The following CLIP4 variants were observed in gnomAD, a reference collection of about 807,000 sequenced individuals.
CLIP4 encodes the protein CAP-Gly domain-containing linker protein 4.
CLIP4 carries 47 observed loss-of-function variants against 73.1 expected under a neutral mutation model. That is an observed-to-expected ratio of 0.64 (90% CI 0.51 to 0.82). CLIP4 has a LOEUF of 0.82. Among genes scored for constraint, CLIP4 ranks in the 40% least tolerant of loss-of-function variants. The pLI is 0.00. For synonymous variants in CLIP4, 306 were observed against 295.4 expected (o/e 1.04, Z -0.37); for missense variants, 874 against 852.9 (o/e 1.02, Z -0.31).
At position 29,126,740 on chromosome 2, in the gene CLIP4, C is replaced by T. The variant is rs918331304; in HGVS notation, c.134-4518C>T. The stretch of plus-strand genomic sequence containing the variant: ...ATGTTTTGGTGAATTCTCTAAGTGG[C>T]CCCCACAGAAACAGGCACAAAGGTT... On this transcript the variant is annotated intron_variant, in intron 2 of 15. Coordinates refer to ENST00000320081, the MANE Select transcript of CLIP4 (RefSeq NM_024692.6). 1.4e-4 allele frequency among the ~76,000 whole-genome samples: 21 copies of T among 152,270 alleles called. 1 individual carries two copies. Among genetic ancestry groups the T allele is most frequent in the African/African-American group, 4.1e-4 (17 of 41,544 alleles).
intron 2 of CLIP4, among the ~76,000 whole-genome samples, chr2:29,121,906 T>G (rs1664274741): frequency 6.6e-6 from 1 of 152,204 alleles, no homozygotes; most frequent in Non-Finnish European, 1.5e-5. Flanking sequence ...TTCCCTGGAA[T>G]GTGAAATGAG....
At chr2:29,142,413 A>G (rs1462700713) in intron 6 of CLIP4, among the ~76,000 whole-genome samples, 1 of 152,126 alleles carries the variant, frequency 6.6e-6, no homozygotes, top group Non-Finnish European at 1.5e-5. Flanking sequence ...CCAAAGTAAA[A>G]TATTCACTGT....
Position 29,163,972 on chromosome 2 carries a change from A to G in CLIP4, c.1658+18A>G. 1 of 1,605,448 alleles carries G rather than the reference A, an allele frequency of 6.2e-7. No homozygotes were observed. The highest frequency in any genetic ancestry group is 1.1e-5 in the South Asian group (1 of 89,818). On this transcript the variant is annotated intron_variant, in intron 13 of 15. Transcript: ENST00000320081. Reference sequence around the variant, plus strand: ...GTGCAAAGGTGAGAGAATGAAATTTATGTTTATTTACAGAAACTTTTTGTA... The same window carrying G: ...GTGCAAAGGTGAGAGAATGAAATTTGTGTTTATTTACAGAAACTTTTTGTA...
rs1558504865 is a variant in CLIP4 at position 29,107,358 on chromosome 2, G to GTTTTTTTTTGTTTTT, written c.-16+9420_-16+9421insGTTTTTTTTTTTTTT. Among the ~76,000 whole-genome samples the GTTTTTTTTTGTTTTT allele has an allele frequency of 2.6e-4, 17 of 65,360 alleles. 1 individual carries two copies. The highest frequency in any genetic ancestry group is 1.2e-3 in the East Asian group (2 of 1,658). 42.9% of individuals were successfully genotyped at this position (65,360 alleles called of 152,430 possible). On this transcript the variant is annotated intron_variant, in intron 1 of 14. Transcript: ENST00000401605. The stretch of plus-strand genomic sequence containing the variant: ...ATTTCTAAATTCCTGGAACATGATA[G>GTTTTTTTTTGTTTTT]TTTTTTTTTTTTTTTTTTTTTTTTT...
chr2:29,103,883 T>A (rs1051009436), intron 1 of CLIP4, among the ~76,000 whole-genome samples: 1 of 151,956 alleles, frequency 6.6e-6, no homozygotes, highest in Non-Finnish European at 1.5e-5. Flanking sequence ...CCAGTTAATT[T>A]TTTTTTTATT....
At chr2:29,103,502 T>C (rs1207639603) in intron 1 of CLIP4, among the ~76,000 whole-genome samples, 1 of 152,170 alleles carries the variant, frequency 6.6e-6, no homozygotes, top group East Asian at 1.9e-4. Flanking sequence ...ATTCTTTTCA[T>C]ACCATAACTT....
rs1572985520 is a variant in CLIP4 at position 29,157,505 on chromosome 2, A to G, written c.1399+158A>G. ...CACCTCCCCCGAACCTTAAGCCTTA[A>G]GGTCTCTTTGTTTTGCCGTCTCAGA... On this transcript the variant is annotated intron_variant, in intron 11 of 15. Transcript: ENST00000320081. 3 of 1,119,844 alleles carry G rather than the reference A, an allele frequency of 2.7e-6. No homozygotes were observed. The East Asian group carries it at 7.6e-5, about 29-fold the overall frequency. The allele number at this position is 1,119,844 out of a possible 1,614,324, so 69.4% of individuals were successfully genotyped here. A position where few individuals can be genotyped will look rare whatever the true frequency, so the allele number is the denominator to read the frequency against.
intron 6 of CLIP4, among the ~76,000 whole-genome samples, chr2:29,140,614 C>CTAG (rs1268978350): frequency 6.6e-6 from 1 of 152,148 alleles, no homozygotes. Context: ...ATGGCTGGGT[C>CTAG]AAATGGTATT....
intron 1 of CLIP4, among the ~76,000 whole-genome samples, chr2:29,109,716 C>T (rs1487825375): frequency 6.6e-6 from 1 of 152,030 alleles, no homozygotes; most frequent in Non-Finnish European, 1.5e-5. Context: ...CATGCAAATT[C>T]CTTTGTTAGT....
At position 29,145,357 on chromosome 2, in the gene CLIP4, C is replaced by T; in HGVS notation, c.1011C>T (p.Ala337=). 1 of 1,607,888 alleles carries T rather than the reference C, an allele frequency of 6.2e-7. No individual in the cohort carries two copies. Among genetic ancestry groups the T allele is most frequent in the Non-Finnish European group, 8.5e-7 (1 of 1,175,698 alleles). Residue 337 remains alanine (A), a synonymous_variant, in exon 8 of 16, where the codon GCC becomes GCT. Coordinates refer to ENST00000320081, the MANE Select transcript of CLIP4 (RefSeq NM_024692.6). ...SVGKVQYFKC[A]PKYGIFAPLS... is the part of the protein sequence containing the mutation. The stretch of plus-strand genomic sequence containing the variant: ...GAAAAGTCCAGTACTTTAAATGTGC[C>T]CCCAAGTATGGTAAGGTTGATATTA...
chr2:29,175,200 C>T (rs1342206127), intron 15 of CLIP4, among the ~76,000 whole-genome samples: 1 of 152,168 alleles, frequency 6.6e-6, no homozygotes, highest in Non-Finnish European at 1.5e-5. Flanking sequence ...ATTTGTTTAC[C>T]TTCTGGCATG....
intron 11 of CLIP4, among the ~76,000 whole-genome samples, chr2:29,158,370 CTT>C (rs11297703): frequency 8.8e-4 from 132 of 149,566 alleles, no homozygotes; most frequent in Middle Eastern, 3.4e-3. Context: ...TATGGAATTA[CTT>C]TTTTTTTTTT....
At chr2:29,130,346 C>T (rs181634897) in intron 2 of CLIP4, among the ~76,000 whole-genome samples, 1 of 152,102 alleles carries the variant, frequency 6.6e-6, no homozygotes, top group South Asian at 2.1e-4. Context: ...TGGTAAGAAG[C>T]TTGTCTCACG....
chr2:29,147,911 G>A (rs1362907553), intron 8 of CLIP4, among the ~76,000 whole-genome samples: 2 of 151,970 alleles, frequency 1.3e-5, no homozygotes, highest in Non-Finnish European at 2.9e-5. Flanking sequence ...ATTTTCCTCC[G>A]ATAGATTACT....
At position 29,121,417 on chromosome 2, in the gene CLIP4, C is replaced by T. The variant is rs1558516444; in HGVS notation, c.29C>T (p.Pro10Leu). Residue 10 changes from proline (P) to leucine (L), a missense_variant, in exon 2 of 16, where the codon CCA becomes CTA. Coordinates refer to ENST00000320081, the MANE Select transcript of CLIP4 (RefSeq NM_024692.6). MTIEDLPDFPLEGNPLFGRY... is the reference protein window; with the variant it reads MTIEDLPDFLLEGNPLFGRY... ...ACCATAGAGGACCTTCCAGATTTTCCATTAGAAGGAAATCCTTTGTTTGGA... is the reference window on the plus strand; with the variant it reads ...ACCATAGAGGACCTTCCAGATTTTCTATTAGAAGGAAATCCTTTGTTTGGA... The T allele has an allele frequency of 6.2e-7, 1 of 1,613,236 alleles. No homozygotes were observed. Among genetic ancestry groups the T allele is most frequent in the African/African-American group, 1.3e-5 (1 of 74,932 alleles).
At chr2:29,117,916 A>C (rs1445174355) in intron 1 of CLIP4, among the ~76,000 whole-genome samples, 6 of 152,226 alleles carry the variant, frequency 3.9e-5, no homozygotes, top group Non-Finnish European at 8.8e-5. Flanking sequence ...TAAATGCATA[A>C]ATAGCTTTTT....
Position 29,131,250 on chromosome 2 carries a change from T to TA in CLIP4, c.134-7dup, listed in dbSNP as rs770154345. On this transcript the variant is annotated splice_polypyrimidine_tract_variant and splice_region_variant and intron_variant, in intron 2 of 15. Coordinates refer to ENST00000320081, the MANE Select transcript of CLIP4 (RefSeq NM_024692.6). The stretch of plus-strand genomic sequence containing the variant: ...AGTAAATTTAATTTGCATCTTTTTT[T>TA]ATTTCAGAATTTTCTTTCTTTGATC... 6.3e-7 allele frequency: 1 copy of TA among 1,587,166 alleles called. No individual in the cohort carries two copies. The highest frequency in any genetic ancestry group is 8.6e-7 in the Non-Finnish European group (1 of 1,166,512).
At chr2:29,125,983 T>A (rs1409572687) in intron 2 of CLIP4, among the ~76,000 whole-genome samples, 1 of 152,168 alleles carries the variant, frequency 6.6e-6, no homozygotes, top group Admixed American at 6.5e-5. Flanking sequence ...AAGACCAGCC[T>A]GACCAACATG....
At chr2:29,166,520 TACACACACAGACACACACACAC>T (rs1401022619) in intron 13 of CLIP4, among the ~76,000 whole-genome samples, 1 of 121,632 alleles carries the variant, frequency 8.2e-6, no homozygotes, top group Non-Finnish European at 1.8e-5. Context: ...GTTAATCACA[TACACACACAGACACACACACAC>T]ACACACACAC....
Sources: allele counts gnomAD v4.1 joint callset (sites outside exome capture counted in the v4.1 genomes callset), GRCh38; gene constraint gnomAD v4.1.1; transcripts MANE v1.5; gene names NCBI Gene and HGNC (gene_info 2026-07-23, HGNC 2026-07-21).